Variants in TSC22D1 observed in about 807,000 individuals in gnomAD.
TSC22D1 encodes TSC22 domain family protein 1.
In TSC22D1, 9 loss-of-function variants were observed where a neutral mutation model predicts 74.2. That is an observed-to-expected ratio of 0.12 (90% CI 0.07 to 0.21). TSC22D1 has a LOEUF of 0.21. Among genes scored for constraint, TSC22D1 ranks in the 10% least tolerant of loss-of-function variants. TSC22D1 has a pLI of 1.00. For missense variants in TSC22D1, 1,427 were observed against 1,304.7 expected (o/e 1.09, Z -1.44); for synonymous variants, 586 against 492.5 (o/e 1.19, Z -2.51).
chr13:44,514,200 T>G (rs745495259), intron 1 of TSC22D1, among the ~76,000 whole-genome samples: 10 of 151,950 alleles, frequency 6.6e-5, no homozygotes, highest in Non-Finnish European at 1.0e-4. Context: ...AAAATACAAT[T>G]GAATCCACTC....
intron 1 of TSC22D1, among the ~76,000 whole-genome samples, chr13:44,514,864 A>G (rs2138020509): frequency 6.6e-6 from 1 of 152,298 alleles, no homozygotes; most frequent in African/African-American, 2.4e-5. Context: ...TGTCTCAAAG[A>G]AAAAAATAAA....
chr13:44,493,479 C>A (rs1878818032), intron 1 of TSC22D1, among the ~76,000 whole-genome samples: 2 of 152,138 alleles, frequency 1.3e-5, no homozygotes, highest in South Asian at 4.1e-4. Flanking sequence ...CCACCGTCAC[C>A]TGAAGCAAAA....
chr13:44,499,814 C>A (rs1466935960), intron 1 of TSC22D1, among the ~76,000 whole-genome samples: 8 of 152,124 alleles, frequency 5.3e-5, no homozygotes, highest in African/African-American at 7.2e-5. Flanking sequence ...TAGCCGGGTG[C>A]AGTGGCTCAC....
At chr13:44,576,729 G>T (rs1884279633), upstream of TSC22D1, among the ~76,000 whole-genome samples, 1 of 151,438 alleles carries the variant, frequency 6.6e-6, no homozygotes, top group Non-Finnish European at 1.5e-5. Context: ...CCGGGGCGAC[G>T]CGGCTGCGAG....
chr13:44,505,935 A>T lies in TSC22D1; in HGVS notation c.2912+67228T>A, dbSNP rs996734602. Among the ~76,000 whole-genome samples, 28 of 152,224 alleles carry T rather than the reference A, an allele frequency of 1.8e-4. 1 individual carries two copies. Among genetic ancestry groups the T allele is most frequent in the Non-Finnish European group, 2.9e-5 (2 of 68,048 alleles). On this transcript the variant is annotated intron_variant, in intron 1 of 2. Coordinates refer to ENST00000458659, the MANE Select transcript of TSC22D1 (RefSeq NM_183422.4). ...AGTGTTTTCAGTATTTTAAACATAC[A>T]TTAACTCATTTTATTCCTCCTAACA...
chr13:44,481,659 C>T (rs1022237033), intron 1 of TSC22D1, among the ~76,000 whole-genome samples: 9 of 152,164 alleles, frequency 5.9e-5, no homozygotes, highest in African/African-American at 2.2e-4. Context: ...ACTCCACCCA[C>T]CCTGAAGGCT....
In TSC22D1 at chr13:44,545,135, G is replaced by T. The variant is rs139256013; in HGVS notation, c.2912+28028C>A. ...GGATCACCTGAAGTCAGGAGTTCAA[G>T]ACCAGCCTGGCCAACATGGTAAAAC... On this transcript the variant is annotated intron_variant, in intron 1 of 2. Transcript: ENST00000458659. Among the ~76,000 whole-genome samples the T allele has an allele frequency of 2.9e-3, 437 of 152,216 alleles. 4 individuals are homozygous for T. The highest frequency in any genetic ancestry group is 0.028 in the Admixed American group (429 of 15,298).
intron 1 of TSC22D1, among the ~76,000 whole-genome samples, chr13:44,541,856 C>G (rs115991594): frequency 6.6e-6 from 1 of 152,058 alleles, no homozygotes; most frequent in Non-Finnish European, 1.5e-5. Flanking sequence ...AAAATCAGTA[C>G]GTTGGAGCTA....
intron 1 of TSC22D1, among the ~76,000 whole-genome samples, chr13:44,551,127 T>C (rs1882209186): frequency 6.6e-6 from 1 of 151,382 alleles, no homozygotes. Flanking sequence ...AAGCAAGAAT[T>C]AGGCATGGTG....
chr13:44,524,499 A>G (rs1219685503), intron 1 of TSC22D1, among the ~76,000 whole-genome samples: 2 of 152,200 alleles, frequency 1.3e-5, no homozygotes. Flanking sequence ...GACAGATGGA[A>G]ACTCCTGGCA....
chr13:44,476,430 A>G (rs945883089), intron 1 of TSC22D1, among the ~76,000 whole-genome samples: 4 of 152,048 alleles, frequency 2.6e-5, no homozygotes. Context: ...TTTGTTGATT[A>G]TTATCTAATA....
chr13:44,498,127 G>C (rs1879058150), intron 1 of TSC22D1, among the ~76,000 whole-genome samples: 1 of 150,238 alleles, frequency 6.7e-6, no homozygotes, highest in African/African-American at 2.4e-5. Flanking sequence ...CCACAAAAAT[G>C]TCTCTACAAA....
chr13:44,522,339 T>C (rs2138043759), intron 1 of TSC22D1, among the ~76,000 whole-genome samples: 1 of 152,202 alleles, frequency 6.6e-6, no homozygotes, highest in East Asian at 1.9e-4. Flanking sequence ...TTTTGTTGTT[T>C]GTATAAAGGA....
rs560242670 is a variant in TSC22D1, at chr13:44,506,208, T to G, written c.2912+66955A>C. On this transcript the variant is annotated intron_variant, in intron 1 of 2. Transcript: ENST00000458659. The stretch of plus-strand genomic sequence containing the variant: ...CAAAATTAGATTACATTCCATCAAG[T>G]AGAAATTTAAATATGGTCCCAGAAG... Among the ~76,000 whole-genome samples, 3 of 152,170 alleles carry G rather than the reference T, an allele frequency of 2.0e-5. No individual in the cohort carries two copies. The East Asian group carries it at 5.8e-4, about 29-fold the overall frequency.
At chr13:44,531,805 C>A (rs532658511) in intron 1 of TSC22D1, among the ~76,000 whole-genome samples, 2 of 152,272 alleles carry the variant, frequency 1.3e-5, no homozygotes, top group East Asian at 1.9e-4. Context: ...GTTGCTATAG[C>A]AGAATGTTTG....
At chr13:44,554,640 A>T (rs1380034736) in intron 1 of TSC22D1, among the ~76,000 whole-genome samples, 1 of 114,768 alleles carries the variant, frequency 8.7e-6, no homozygotes, top group African/African-American at 3.5e-5. Context: ...CAAAAAAAAA[A>T]AAAAAAAAAA....
At chr13:44,513,651 T>A (rs1055601252) in intron 1 of TSC22D1, among the ~76,000 whole-genome samples, 2 of 152,190 alleles carry the variant, frequency 1.3e-5, no homozygotes, top group Admixed American at 6.5e-5. Context: ...CCTGGCTATG[T>A]TTTTTCATTC....
intron 1 of TSC22D1, among the ~76,000 whole-genome samples, chr13:44,510,188 A>C (rs1879646422): frequency 6.6e-6 from 1 of 151,406 alleles, no homozygotes; most frequent in South Asian, 2.1e-4. Flanking sequence ...GATCGAGACC[A>C]GCCTGACCAA....
At chr13:44,523,050 T>G (rs923772148) in intron 1 of TSC22D1, among the ~76,000 whole-genome samples, 2 of 146,294 alleles carry the variant, frequency 1.4e-5, no homozygotes, top group Non-Finnish European at 3.0e-5. Flanking sequence ...AAAAAAAACA[T>G]GAAATGGAGC....
Sources: gnomAD v4.1 joint callset for allele counts (sites outside exome capture counted in the v4.1 genomes callset) on GRCh38, gnomAD v4.1.1 for gene constraint, MANE v1.5 for transcripts, NCBI Gene and HGNC (gene_info 2026-07-23, HGNC 2026-07-21) for gene names.